LRRC4C: variants seen among roughly 807,000 people sequenced by gnomAD.
LRRC4C encodes leucine-rich repeat-containing protein 4C.
A neutral mutation model predicts 33.6 loss-of-function variants in LRRC4C; 5 were observed. That is an observed-to-expected ratio of 0.15 (90% CI 0.08 to 0.31). The LOEUF (loss-of-function observed/expected upper bound fraction) is 0.31. Among genes scored for constraint, LRRC4C ranks in the 10% least tolerant of loss-of-function variants. The pLI, the probability that LRRC4C is intolerant of heterozygous loss-of-function variation, is 1.00. For synonymous variants in LRRC4C, 329 were observed against 302.0 expected, an observed-to-expected ratio of 1.09 and a Z score of -0.93; for missense variants, 560 against 796.7, an observed-to-expected ratio of 0.70 and a Z score of 3.58.
At chr11:41,182,931 G>A (rs1945518316) in intron 1 of LRRC4C, among the ~76,000 whole-genome samples, 1 of 151,860 alleles carries the variant, frequency 6.6e-6, no homozygotes, top group African/African-American at 2.4e-5. Flanking sequence ...GCAAGGAGGA[G>A]CAAATCACAT....
At chr11:41,021,350 C>G (rs1292089526) in intron 1 of LRRC4C, among the ~76,000 whole-genome samples, 2 of 151,936 alleles carry the variant, frequency 1.3e-5, no homozygotes, top group African/African-American at 4.8e-5. Flanking sequence ...CACCTCTATT[C>G]TAGCTCTAGA....
intron 2 of LRRC4C, among the ~76,000 whole-genome samples, chr11:40,705,149 G>T (rs531766195): frequency 6.6e-6 from 1 of 152,070 alleles, no homozygotes; most frequent in Non-Finnish European, 1.5e-5. Context: ...CTTGCTCAAG[G>T]TCTCAAATTA....
intron 3 of LRRC4C, among the ~76,000 whole-genome samples, chr11:40,397,995 T>C (rs1480001306): frequency 6.6e-6 from 1 of 152,056 alleles, no homozygotes; most frequent in Non-Finnish European, 1.5e-5. Context: ...ATTATATGTA[T>C]ATAGATTTAA....
chr11:40,329,048 C>T (rs1180574527), intron 3 of LRRC4C, among the ~76,000 whole-genome samples: 7 of 152,160 alleles, frequency 4.6e-5, no homozygotes, highest in Non-Finnish European at 8.8e-5. Context: ...ACTGAGACCT[C>T]TGTGGTGAGC....
chr11:40,461,604 C>G (rs967785313), intron 3 of LRRC4C, among the ~76,000 whole-genome samples: 2 of 151,190 alleles, frequency 1.3e-5, no homozygotes, highest in East Asian at 3.9e-4. Context: ...AAATAACCAA[C>G]TTAAACCACA....
chr11:40,264,893 A>G (rs1942137610), intron 4 of LRRC4C, among the ~76,000 whole-genome samples: 1 of 152,262 alleles, frequency 6.6e-6, no homozygotes, highest in East Asian at 1.9e-4. Flanking sequence ...TTCTACATAC[A>G]TGGCAAGAAC....
At chr11:40,737,149 G>A (rs1026761200) in intron 2 of LRRC4C, among the ~76,000 whole-genome samples, 8 of 151,974 alleles carry the variant, frequency 5.3e-5, no homozygotes, top group Non-Finnish European at 8.8e-5. Context: ...TGCCGAAAAG[G>A]CCTTCAATAA....
intron 1 of LRRC4C, among the ~76,000 whole-genome samples, chr11:41,030,906 A>C (rs956666385): frequency 1.3e-5 from 2 of 151,814 alleles, no homozygotes; most frequent in African/African-American, 4.8e-5. Context: ...TAGGTTTAAA[A>C]CCACTTAAAA....
chr11:40,514,190 C>T (rs540220346), intron 3 of LRRC4C, among the ~76,000 whole-genome samples: 24 of 152,296 alleles, frequency 1.6e-4, no homozygotes, highest in African/African-American at 5.8e-4. Flanking sequence ...TGCATACGTT[C>T]ATGAACCTCT....
intron 5 of LRRC4C, among the ~76,000 whole-genome samples, chr11:40,158,899 A>C (rs1858928193): frequency 6.6e-6 from 1 of 152,200 alleles, no homozygotes; most frequent in Admixed American, 6.5e-5. Context: ...AGAAAAACAA[A>C]ACAAAATGAA....
intron 2 of LRRC4C, among the ~76,000 whole-genome samples, chr11:40,661,458 AATT>A (rs2136212289): frequency 6.6e-6 from 1 of 152,266 alleles, no homozygotes; most frequent in South Asian, 2.1e-4. Context: ...CTATTTTTTA[AATT>A]ATTATTTCCT....
At position 41,035,204 on chromosome 11, in the gene LRRC4C, C is replaced by A. The variant is rs58342256; in HGVS notation, c.-495-101481G>T. 3.3e-3 allele frequency among the ~76,000 whole-genome samples: 492 copies of A among 150,332 alleles called. 4 individuals carry two copies. Among genetic ancestry groups the A allele is most frequent in the East Asian group, 9.6e-3 (49 of 5,122 alleles). On this transcript the variant is annotated intron_variant, in intron 1 of 6. Coordinates refer to ENST00000528697, the MANE Select transcript of LRRC4C (RefSeq NM_001258419.2). ...GACTCCATCTCAATATAAATAAATACATAAATAAATAAATAAATAAATATA... is the reference window on the plus strand; with the variant it reads ...GACTCCATCTCAATATAAATAAATAAATAAATAAATAAATAAATAAATATA...
chr11:40,760,193 G>T (rs1211374352), intron 2 of LRRC4C, among the ~76,000 whole-genome samples: 2 of 151,552 alleles, frequency 1.3e-5, no homozygotes, highest in East Asian at 1.9e-4. Context: ...ATTAATGAAG[G>T]TTTGAAAATT....
chr11:41,421,221 G>A (rs1246748853), intron 1 of LRRC4C, among the ~76,000 whole-genome samples: 2 of 151,960 alleles, frequency 1.3e-5, no homozygotes, highest in African/African-American at 4.8e-5. Flanking sequence ...ATTACTTAAT[G>A]TAATGACATC....
intron 2 of LRRC4C, among the ~76,000 whole-genome samples, chr11:40,713,171 G>A (rs1218687547): frequency 1.3e-5 from 2 of 151,882 alleles, no homozygotes; most frequent in Non-Finnish European, 2.9e-5. Flanking sequence ...TGGGATGATA[G>A]GCATGAGCCA....
chr11:40,638,420 C>A (rs1941897346), intron 3 of LRRC4C, among the ~76,000 whole-genome samples: 1 of 152,154 alleles, frequency 6.6e-6, no homozygotes. Flanking sequence ...CTCTGTAATT[C>A]ATTGGCTCTT....
chr11:41,160,521 C>T (rs1046541601), intron 1 of LRRC4C, among the ~76,000 whole-genome samples: 1 of 151,942 alleles, frequency 6.6e-6, no homozygotes, highest in African/African-American at 2.4e-5. Context: ...ACATGAGTTG[C>T]TGATCTTAAG....
intron 4 of LRRC4C, among the ~76,000 whole-genome samples, chr11:40,306,589 T>G (rs1357601242): frequency 6.6e-6 from 1 of 152,216 alleles, no homozygotes; most frequent in African/African-American, 2.4e-5. Context: ...CATATGCTCC[T>G]GCCCCAATCC....
At chr11:40,982,136 T>C (rs1280888906) in intron 1 of LRRC4C, among the ~76,000 whole-genome samples, 6 of 152,200 alleles carry the variant, frequency 3.9e-5, no homozygotes, top group Non-Finnish European at 7.3e-5. Context: ...CTGTCACCCC[T>C]AGAATCAACA....
Sources: gnomAD v4.1 joint callset for allele counts (sites outside exome capture counted in the v4.1 genomes callset) on GRCh38, gnomAD v4.1.1 for gene constraint, MANE v1.5 for transcripts, NCBI Gene and HGNC (gene_info 2026-07-23, HGNC 2026-07-21) for gene names.